The following MTMR12 variants were observed in gnomAD, a reference collection of about 807,000 sequenced individuals.
The protein encoded by MTMR12 is myotubularin related protein 12.
MTMR12 carries 33 observed loss-of-function variants against 96.7 expected under a neutral mutation model. That is an observed-to-expected ratio of 0.34 (90% CI 0.26 to 0.46). The LOEUF (loss-of-function observed/expected upper bound fraction) is 0.46, where lower values mean the gene tolerates loss of function less well. MTMR12 is among the 20% of genes least tolerant of loss of function. The pLI is 1.00. For synonymous variants in MTMR12, 298 were observed against 327.2 expected, an observed-to-expected ratio of 0.91 and a Z score of 0.96; for missense variants, 721 against 896.1, an observed-to-expected ratio of 0.80 and a Z score of 2.49.
chr5:32,299,364 T>C (rs1751045904), intron 1 of MTMR12, among the ~76,000 whole-genome samples: 1 of 152,150 alleles, frequency 6.6e-6, no homozygotes, highest in Admixed American at 6.5e-5. Context: ...ACTACCACAT[T>C]ATACTGAAAG....
At chr5:32,293,719 G>T (rs1285439602) in intron 1 of MTMR12, among the ~76,000 whole-genome samples, 2 of 152,196 alleles carry the variant, frequency 1.3e-5, no homozygotes. Context: ...CTCACTCAAA[G>T]GTGTTTCAAC....
chr5:32,256,973 G>C (rs1024005120), intron 7 of MTMR12, among the ~76,000 whole-genome samples: 8 of 152,202 alleles, frequency 5.3e-5, no homozygotes, highest in African/African-American at 1.9e-4. Context: ...AAAGATGACA[G>C]AGAAAGGGTT....
intron 1 of MTMR12, among the ~76,000 whole-genome samples, chr5:32,303,258 A>G (rs1298281554): frequency 6.6e-6 from 1 of 152,242 alleles, no homozygotes; most frequent in Non-Finnish European, 1.5e-5. Flanking sequence ...AGGTAGAAAT[A>G]TAACTGAAGC....
chr5:32,268,785 CA>C lies in MTMR12; in HGVS notation c.498del (p.Ser166ArgfsTer3). ...TKEEEVKRIV[S>X]GIIHHTQAPK... Reference sequence around the variant, plus strand: ...GGAGCCTGGGTATGATGAATTATGCCACTGACAATCTAAAAAAGAATCGAAC... The same window carrying C: ...GGAGCCTGGGTATGATGAATTATGCCCTGACAATCTAAAAAAGAATCGAAC... On this transcript the variant is annotated frameshift_variant, in exon 6 of 16. Transcript: ENST00000382142. LOFTEE classifies it high-confidence loss of function. 1 of 1,612,462 alleles carries C rather than the reference CA, an allele frequency of 6.2e-7. No individual in the cohort carries two copies. The highest frequency in any genetic ancestry group is 8.5e-7 in the Non-Finnish European group (1 of 1,178,624).
intron 15 of MTMR12, among the ~76,000 whole-genome samples, chr5:32,230,655 C>T (rs1747961098): frequency 6.6e-6 from 1 of 152,214 alleles, no homozygotes; most frequent in African/African-American, 2.4e-5. Flanking sequence ...AGGGGCACCA[C>T]AGGACACAAA....
chr5:32,268,046 T>C (rs1028986415), intron 6 of MTMR12, among the ~76,000 whole-genome samples: 6 of 152,196 alleles, frequency 3.9e-5, no homozygotes, highest in Non-Finnish European at 8.8e-5. Flanking sequence ...GTTGCCAGGA[T>C]GGTCTTGATC....
intron 10 of MTMR12, among the ~76,000 whole-genome samples, chr5:32,244,057 C>T (rs1172632042): frequency 6.6e-6 from 1 of 152,178 alleles, no homozygotes; most frequent in Admixed American, 6.5e-5. Flanking sequence ...CATGACATGA[C>T]TCCTCCTACA....
rs1748556158 is a variant in MTMR12, at chr5:32,243,514, G to C, written c.1100+7C>G. 1.3e-6 allele frequency: 2 copies of C among 1,599,790 alleles called. No individual in the cohort carries two copies. Among genetic ancestry groups the C allele is most frequent in the Middle Eastern group, 1.7e-4 (1 of 6,020 alleles). On this transcript the variant is annotated splice_region_variant and intron_variant, in intron 11 of 15. Coordinates refer to ENST00000382142, the MANE Select transcript of MTMR12 (RefSeq NM_001040446.3). Reference sequence around the variant, plus strand: ...AAATTCATGAGTAAAACAATGGTTTGAAATACCTGATTATGTCAAGCCAGC... The same window carrying C: ...AAATTCATGAGTAAAACAATGGTTTCAAATACCTGATTATGTCAAGCCAGC...
Position 32,304,274 on chromosome 5 carries a change from C to T in MTMR12, c.81+8484G>A, listed in dbSNP as rs554987700. Among the ~76,000 whole-genome samples, 18 of 151,832 alleles carry T rather than the reference C, an allele frequency of 1.2e-4. No individual in the cohort carries two copies. The South Asian group carries it at 2.1e-3, about 18-fold the overall frequency. ...GGCAGAGGTTGCAGTGAGCCAAGAT[C>T]GCGCCATTACACCTCAGCCTGGGAG... On this transcript the variant is annotated intron_variant, in intron 1 of 15. Coordinates refer to ENST00000382142, the MANE Select transcript of MTMR12 (RefSeq NM_001040446.3).
At chr5:32,262,381 G>A (rs931210739) in intron 7 of MTMR12, among the ~76,000 whole-genome samples, 2 of 152,040 alleles carry the variant, frequency 1.3e-5, no homozygotes, top group Admixed American at 1.3e-4. Context: ...TGAGAGGATC[G>A]CTTGAGCCCA....
chr5:32,300,629 G>C (rs114292130), intron 1 of MTMR12, among the ~76,000 whole-genome samples: 1 of 152,054 alleles, frequency 6.6e-6, no homozygotes, highest in Non-Finnish European at 1.5e-5. Flanking sequence ...TACTTACTGC[G>C]CTCCTCAGGT....
chr5:32,230,363 CAAAT>C lies in MTMR12; in HGVS notation c.1675-20_1675-17del. Reference sequence around the variant, plus strand: ...GTCGTTGATGCTTTGAGAGAAAACACAAATAAAAATCACTGGTTAACATAACAGG... The same window carrying C: ...GTCGTTGATGCTTTGAGAGAAAACACAAAAATCACTGGTTAACATAACAGG... On this transcript the variant is annotated splice_polypyrimidine_tract_variant and intron_variant, in intron 15 of 15. Coordinates refer to ENST00000382142, the MANE Select transcript of MTMR12 (RefSeq NM_001040446.3). 3 of 1,580,346 alleles carry C rather than the reference CAAAT, an allele frequency of 1.9e-6. No homozygotes were observed. Among genetic ancestry groups the C allele is most frequent in the South Asian group, 1.2e-5 (1 of 86,086 alleles).
Position 32,227,411 on chromosome 5 carries a change from T to C in MTMR12, c.*2367A>G, listed in dbSNP as rs1747775772. Reference sequence around the variant, plus strand: ...ATAGAAATCTGATTTCAAATATAAATACAAAAATTGTCATGACCTTACACG... The same window carrying C: ...ATAGAAATCTGATTTCAAATATAAACACAAAAATTGTCATGACCTTACACG... On this transcript the variant is annotated 3_prime_UTR_variant, in exon 16 of 16. Transcript: ENST00000382142. The C allele has an allele frequency of 6.6e-6, 1 of 152,630 alleles. No homozygotes were observed. The highest frequency in any genetic ancestry group is 2.4e-5 in the African/African-American group (1 of 41,452). The allele number at this position is 152,630 out of a possible 1,614,324, so 9.5% of individuals were successfully genotyped here.
chr5:32,266,349 C>A (rs2112069668), intron 6 of MTMR12, among the ~76,000 whole-genome samples: 1 of 152,360 alleles, frequency 6.6e-6, no homozygotes, highest in Admixed American at 6.5e-5. Flanking sequence ...CAAAGCAACT[C>A]TGCCTTCCAG....
In MTMR12 at chr5:32,275,220, A is replaced by G. The variant is rs144874399; in HGVS notation, c.143-1098T>C. On this transcript the variant is annotated intron_variant, in intron 2 of 15. Coordinates refer to ENST00000382142, the MANE Select transcript of MTMR12 (RefSeq NM_001040446.3). The stretch of plus-strand genomic sequence containing the variant: ...CAAGGGGTTAATTACCTCTGGCTGA[A>G]ACACTAAGGAAATACCGGAAGATGG... 3.9e-3 allele frequency among the ~76,000 whole-genome samples: 599 copies of G among 152,262 alleles called. 7 individuals carry two copies. The highest frequency in any genetic ancestry group is 0.014 in the African/African-American group (576 of 41,556).
intron 5 of MTMR12, among the ~76,000 whole-genome samples, chr5:32,269,343 A>G (rs1379127861): frequency 6.7e-6 from 1 of 148,996 alleles, no homozygotes; most frequent in Non-Finnish European, 1.5e-5. Flanking sequence ...TATTATTATT[A>G]TTGTTATTGA....
At chr5:32,273,130 C>T (rs1009873002) in intron 3 of MTMR12, among the ~76,000 whole-genome samples, 7 of 151,432 alleles carry the variant, frequency 4.6e-5, no homozygotes, top group Non-Finnish European at 8.8e-5. Context: ...CCGGGTGAGG[C>T]GGCTCATGTC....
chr5:32,270,377 A>G (rs1485871537), intron 5 of MTMR12, among the ~76,000 whole-genome samples: 1 of 152,176 alleles, frequency 6.6e-6, no homozygotes, highest in African/African-American at 2.4e-5. Context: ...TGACCTGTGT[A>G]CTTCCTCCTT....
intron 8 of MTMR12, 125 bp from the exon 9 acceptor site, chr5:32,249,003 A>T: frequency 1.4e-6 from 1 of 711,660 alleles, no homozygotes. Flanking sequence ...GGACATACTT[A>T]ACTTTATTAA....
Sources: gnomAD v4.1 joint callset for allele counts (sites outside exome capture counted in the v4.1 genomes callset) on GRCh38, gnomAD v4.1.1 for gene constraint, MANE v1.5 for transcripts, NCBI Gene and HGNC (gene_info 2026-07-23, HGNC 2026-07-21) for gene names.